Variants in CPED1 observed in about 807,000 individuals in gnomAD.
The protein encoded by CPED1 is cadherin like and PC-esterase domain containing 1.
In CPED1, 114 loss-of-function variants were observed where a neutral mutation model predicts 128.2. The observed-to-expected ratio is 0.89, with a 90% CI of 0.76 to 1.04. The LOEUF (loss-of-function observed/expected upper bound fraction) is 1.04. Ranked by LOEUF, CPED1 falls within the 50% of genes least tolerant of loss-of-function variation. The probability of loss-of-function intolerance (pLI) is 0.00; values close to 1 mark genes in which losing one functional copy is unlikely to be tolerated. For synonymous variants in CPED1, 462 were observed against 426.7 expected, an observed-to-expected ratio of 1.08 and a Z score of -1.02; for missense variants, 1,211 against 1,207.1, an observed-to-expected ratio of 1.00 and a Z score of -0.05.
intron 12 of CPED1, among the ~76,000 whole-genome samples, chr7:121,132,039 C>T (rs966616742): frequency 2.6e-5 from 4 of 151,276 alleles, no homozygotes; most frequent in Non-Finnish European, 5.9e-5. Context: ...AACCTTACTA[C>T]GTTTGTCAAC....
In CPED1 at chr7:121,271,318, T is replaced by A; in HGVS notation, c.2756T>A (p.Ile919Asn). The A allele has an allele frequency of 6.2e-7, 1 of 1,611,600 alleles. No homozygotes were observed. Among genetic ancestry groups the A allele is most frequent in the Non-Finnish European group, 8.5e-7 (1 of 1,178,544 alleles). ...CAGAACTTATGGAAAGAAAATTTGA[T>A]TATTCTGGATACTGCAAAAAAACAT... ...EVQNLWKENL[I>N]ILDTAKKHGY... The change falls in exon 22 of 23, where the codon ATT becomes AAT. Residue 919 changes from isoleucine to asparagine, a missense_variant. Ile to Asn is a moderately radical substitution (Grantham distance 149). Transcript: ENST00000310396.
chr7:121,236,607 CT>C (rs1798260716), intron 16 of CPED1, 106 bp from the exon 17 acceptor site: 1 of 571,416 alleles, frequency 1.8e-6, no homozygotes, highest in Admixed American at 3.0e-5. Context: ...TATTTGCTCC[CT>C]TTTATCCATA....
intron 22 of CPED1, among the ~76,000 whole-genome samples, chr7:121,279,903 C>T (rs1347019244): frequency 2.0e-5 from 3 of 152,120 alleles, no homozygotes; most frequent in Non-Finnish European, 2.9e-5. Flanking sequence ...TAGCATTCCA[C>T]AGTCAGGCAG....
intron 16 of CPED1, among the ~76,000 whole-genome samples, chr7:121,193,021 G>A (rs1797181189): frequency 6.6e-6 from 1 of 152,106 alleles, no homozygotes; most frequent in African/African-American, 2.4e-5. Flanking sequence ...TTTGGATCGA[G>A]GATCTGACCA....
chr7:121,235,486 T>G (rs552139413), intron 16 of CPED1, among the ~76,000 whole-genome samples: 72 of 152,222 alleles, frequency 4.7e-4, no homozygotes, highest in Non-Finnish European at 9.0e-4. Context: ...TTAGGACAGT[T>G]GAGAATATGA....
intron 18 of CPED1, among the ~76,000 whole-genome samples, chr7:121,248,931 C>A (rs1798602675): frequency 6.6e-6 from 1 of 152,084 alleles, no homozygotes; most frequent in East Asian, 1.9e-4. Context: ...CCAAGAAATC[C>A]ATAAAATGAT....
intron 2 of CPED1, among the ~76,000 whole-genome samples, chr7:120,991,892 A>C (rs1429057121): frequency 6.6e-6 from 1 of 152,220 alleles, no homozygotes; most frequent in Non-Finnish European, 1.5e-5. Flanking sequence ...ATTTCCAAAC[A>C]TTAGCCATGT....
intron 4 of CPED1, among the ~76,000 whole-genome samples, chr7:121,058,200 A>C (rs1793552001): frequency 6.6e-6 from 1 of 152,060 alleles, no homozygotes; most frequent in Admixed American, 6.6e-5. Flanking sequence ...GCGGGCTTTT[A>C]CTCTTGTTAA....
intron 16 of CPED1, among the ~76,000 whole-genome samples, chr7:121,175,096 T>G (rs1027840067): frequency 6.6e-6 from 1 of 152,130 alleles, no homozygotes; most frequent in Non-Finnish European, 1.5e-5. Flanking sequence ...GTTGAAGTTG[T>G]TTATCAGCTA....
At chr7:121,127,855 A>G (rs968822633) in intron 10 of CPED1, among the ~76,000 whole-genome samples, 1 of 151,908 alleles carries the variant, frequency 6.6e-6, no homozygotes, top group Non-Finnish European at 1.5e-5. Flanking sequence ...TATGCTACAG[A>G]ATACTTTTTT....
intron 16 of CPED1, among the ~76,000 whole-genome samples, chr7:121,205,897 G>A (rs1347625365): frequency 6.6e-6 from 1 of 152,052 alleles, no homozygotes; most frequent in East Asian, 1.9e-4. Flanking sequence ...TAAACAGGAT[G>A]ATAAAAGCTG....
intron 11 of CPED1, among the ~76,000 whole-genome samples, chr7:121,129,669 C>T (rs1184390635): frequency 6.6e-6 from 1 of 151,708 alleles, no homozygotes; most frequent in Non-Finnish European, 1.5e-5. Flanking sequence ...AATTATTTTG[C>T]AAGAGAAAGA....
rs1052149093 is a variant in CPED1, at chr7:121,102,839, A to T, written c.918+2745A>T. On this transcript the variant is annotated intron_variant, in intron 7 of 22. Coordinates refer to ENST00000310396, the MANE Select transcript of CPED1 (RefSeq NM_024913.5). ...CCACTTATCCCTGACCGTGGCTACC[A>T]CTGGTCAGACCAGTTCACAATAGCT... Among the ~76,000 whole-genome samples, 4 of 152,036 alleles carry T rather than the reference A, an allele frequency of 2.6e-5. No individual in the cohort carries two copies. The South Asian group carries it at 8.3e-4, about 32-fold the overall frequency.
At chr7:121,276,713 G>A (rs1192482907) in intron 22 of CPED1, among the ~76,000 whole-genome samples, 1 of 152,140 alleles carries the variant, frequency 6.6e-6, no homozygotes, top group African/African-American at 2.4e-5. Context: ...ATGGTAGAAG[G>A]AAGGCCATTG....
chr7:121,273,500 G>A (rs1233313848), intron 22 of CPED1, among the ~76,000 whole-genome samples: 1 of 151,632 alleles, frequency 6.6e-6, no homozygotes, highest in Non-Finnish European at 1.5e-5. Flanking sequence ...TCCAGCCTGG[G>A]TGACACAGCA....
intron 16 of CPED1, among the ~76,000 whole-genome samples, chr7:121,205,074 A>C (rs961162382): frequency 6.6e-6 from 1 of 152,132 alleles, no homozygotes; most frequent in African/African-American, 2.4e-5. Flanking sequence ...TGAGGATTTC[A>C]GATGAATTTT....
At chr7:121,168,569 A>C (rs1418462064) in intron 16 of CPED1, among the ~76,000 whole-genome samples, 2 of 152,250 alleles carry the variant, frequency 1.3e-5, no homozygotes, top group Admixed American at 1.3e-4. Context: ...CCCTTCAAGC[A>C]TTTAACTTTT....
At chr7:121,232,853 CAG>C (rs1798169229) in intron 16 of CPED1, among the ~76,000 whole-genome samples, 1 of 152,076 alleles carries the variant, frequency 6.6e-6, no homozygotes, top group South Asian at 2.1e-4. Context: ...TCTTTCATCT[CAG>C]AGAAATAATT....
chr7:121,037,113 C>G (rs1792916571), intron 3 of CPED1, among the ~76,000 whole-genome samples: 2 of 152,066 alleles, frequency 1.3e-5, no homozygotes. Context: ...CTGATTATTT[C>G]TTTTGCTGTG....
Sources: gnomAD v4.1 joint callset for allele counts (sites outside exome capture counted in the v4.1 genomes callset) on GRCh38, gnomAD v4.1.1 for gene constraint, MANE v1.5 for transcripts, NCBI Gene and HGNC (gene_info 2026-07-23, HGNC 2026-07-21) for gene names.